The following PML variants were observed in gnomAD, a reference collection of about 807,000 sequenced individuals.
PML encodes the protein PML nuclear body scaffold, also known as protein PML.
In PML, 28 loss-of-function variants were observed where a neutral mutation model predicts 65.2. The observed-to-expected ratio is 0.43, with a 90% CI of 0.32 to 0.59. The LOEUF (loss-of-function observed/expected upper bound fraction) is 0.59, where lower values mean the gene tolerates loss of function less well. Ranked by LOEUF, PML falls within the 20% of genes least tolerant of loss-of-function variation. The probability of loss-of-function intolerance (pLI) is 0.08; values close to 1 mark genes in which losing one functional copy is unlikely to be tolerated. For synonymous variants in PML, 500 were observed against 508.8 expected, an observed-to-expected ratio of 0.98 and a Z score of 0.23; for missense variants, 1,021 against 1,203.4, an observed-to-expected ratio of 0.85 and a Z score of 2.24.
chr15:74,031,256 C>CT, intron 4 of PML: 1 of 445,200 alleles, frequency 2.2e-6, no homozygotes, highest in Non-Finnish European at 4.5e-6. Flanking sequence ...TGTCTGGTTT[C>CT]TTTTTTTAAA....
chr15:74,023,298 G>A lies in PML; in HGVS notation c.1073G>A (p.Arg358His), dbSNP rs967509295. The change falls in exon 3 of 9, where the codon CGC (arginine) becomes CAC (histidine). Residue 358 changes from arginine (R) to histidine (H), a missense_variant. Physicochemically the swap from Arg to His is conservative, Grantham distance 29. Transcript: ENST00000268058. ...MHGFLRQALC[R>H]LRQEEPQSLQ... ...GGTTTCCTGCGCCAGGCGCTCTGCC[G>A]CCTGCGCCAGGAGGAGCCCCAGAGC... 1 of 1,609,272 alleles carries A rather than the reference G, an allele frequency of 6.2e-7. No homozygotes were observed. The highest frequency in any genetic ancestry group is 8.5e-7 in the Non-Finnish European group (1 of 1,179,600).
intron 4 of PML, chr15:74,026,749 C>G (rs551751767): frequency 6.6e-6 from 1 of 152,172 alleles, no homozygotes; most frequent in Non-Finnish European, 1.5e-5. Context: ...CCCCTGGGTT[C>G]AAGCGATTCT....
At position 74,017,294 on chromosome 15, in the gene PML, C is replaced by T. The variant is rs563938875; in HGVS notation, c.603-5534C>T. ...CTCTAACTTCATTCCTGCCCCCTAC[C>T]CTCCTCCCTAGCCAATTTCTCTGAT... On this transcript the variant is annotated intron_variant, in intron 2 of 8. Coordinates refer to ENST00000268058, the MANE Select transcript of PML (RefSeq NM_033238.3). 5.9e-5 allele frequency among the ~76,000 whole-genome samples: 9 copies of T among 152,288 alleles called. No homozygotes were observed. The East Asian group carries it at 7.7e-4, about 13-fold the overall frequency.
chr15:74,035,573 TC>T lies in PML; in HGVS notation c.1710+1045del. On this transcript the variant is annotated intron_variant, in intron 7 of 8. Coordinates refer to ENST00000268058, the MANE Select transcript of PML (RefSeq NM_033238.3). This position sits in a 1 kb window ranked among gnomAD's most constrained non-coding sequence, Gnocchi z 4.1. The stretch of plus-strand genomic sequence containing the variant: ...CTGCCATCACAGGGCCCCTCAACCA[TC>T]CTGCCAATGCCCAGGAACATCCTGC... The T allele has an allele frequency of 6.2e-7, 1 of 1,611,256 alleles. No homozygotes were observed. The highest frequency in any genetic ancestry group is 1.3e-5 in the African/African-American group (1 of 74,954).
Position 74,035,204 on chromosome 15 carries a change from GTCCTCGCCAGCCCAC to G in PML, c.1710+715_1710+729del, listed in dbSNP as rs753529346. 1,941 of 1,466,766 alleles carry G rather than the reference GTCCTCGCCAGCCCAC, an allele frequency of 1.3e-3. 4 individuals carry two copies. Among genetic ancestry groups the G allele is most frequent in the Middle Eastern group, 3.1e-3 (18 of 5,782 alleles). 90.9% of individuals were successfully genotyped at this position (1,466,766 alleles called of 1,614,324 possible). ...AGCCCATGGAGACCGCCGAGCCACA[GTCCTCGCCAGCCCAC>G]TCCTCGCCAGCCCACTCCTCGCCAG... On this transcript the variant is annotated intron_variant, in intron 7 of 8. Coordinates refer to ENST00000268058, the MANE Select transcript of PML (RefSeq NM_033238.3). The surrounding 1 kb of genome is among the most constrained non-coding windows in gnomAD (Gnocchi z 4.1).
intron 3 of PML, among the ~76,000 whole-genome samples, chr15:74,024,242 T>C (rs1300649625): frequency 6.6e-6 from 1 of 152,040 alleles, no homozygotes; most frequent in African/African-American, 2.4e-5. Flanking sequence ...GGCACCTGGG[T>C]AGGGTGCCAG....
At chr15:73,998,582 G>A in intron 2 of PML, 106 bp downstream of exon 2, 1 of 974,840 alleles carries the variant, frequency 1.0e-6, no homozygotes, top group Non-Finnish European at 1.6e-6. Context: ...GAGCTTCTGG[G>A]GCCTTGCAAC....
intron 2 of PML, among the ~76,000 whole-genome samples, chr15:74,015,145 C>T (rs1295565642): frequency 6.6e-6 from 1 of 152,184 alleles, no homozygotes; most frequent in Non-Finnish European, 1.5e-5. Flanking sequence ...TTCCCCTCTC[C>T]AACACTACCT....
Position 74,045,079 on chromosome 15 carries a change from C to T in PML, c.*71C>T. The T allele has an allele frequency of 7.4e-7, 1 of 1,347,522 alleles. No individual in the cohort carries two copies. Among genetic ancestry groups the T allele is most frequent in the Admixed American group, 2.2e-5 (1 of 45,466 alleles). The allele number at this position is 1,347,522 out of a possible 1,614,324, so 83.5% of individuals were successfully genotyped here. A position where few individuals can be genotyped will look rare whatever the true frequency, so the allele number is the denominator to read the frequency against. ...TGGGGTCCCTGAGCCAGGCCCCACC[C>T]ATCACAGCATTCCCAGGTCCTGGTA... On this transcript the variant is annotated 3_prime_UTR_variant, in exon 9 of 9. Transcript: ENST00000268058.
intron 2 of PML, among the ~76,000 whole-genome samples, chr15:74,008,113 C>T (rs2070151034): frequency 6.6e-6 from 1 of 152,178 alleles, no homozygotes; most frequent in South Asian, 2.1e-4. Flanking sequence ...GGGAAGGTGG[C>T]TTCCAAGAGG....
rs545937555 is a variant in PML, at chr15:74,040,726, C to T, written c.1711-2263C>T. 3.3e-5 allele frequency among the ~76,000 whole-genome samples: 5 copies of T among 152,312 alleles called. No homozygotes were observed. The South Asian group carries it at 1.0e-3, about 32-fold the overall frequency. On this transcript the variant is annotated intron_variant, in intron 7 of 8. Coordinates refer to ENST00000268058, the MANE Select transcript of PML (RefSeq NM_033238.3). ...TGGGTGGCCATACTTTATGGAAGTC[C>T]CCAAGGGCAAGAGGAATTTTGGAGG... is the stretch of plus-strand genomic sequence containing the variant.
chr15:73,994,920 C>T lies in PML; in HGVS notation c.108C>T (p.Ser36=), dbSNP rs1172006294. 2.6e-6 allele frequency: 4 copies of T among 1,545,886 alleles called. No homozygotes were observed. Among genetic ancestry groups the T allele is most frequent in the East Asian group, 2.4e-5 (1 of 40,968 alleles). Residue 36 remains serine (S), a synonymous_variant, in exon 1 of 9, where the codon AGC becomes AGT. Coordinates refer to ENST00000268058, the MANE Select transcript of PML (RefSeq NM_033238.3). ...CCCCCTCTGAAGGCCGCCAGCCCAGCCCCAGCCCCAGCCCTACAGAGGTAC... is the reference window on the plus strand; with the variant it reads ...CCCCCTCTGAAGGCCGCCAGCCCAGTCCCAGCCCCAGCCCTACAGAGGTAC... ...PETPSEGRQP[S]PSPSPTERAP...
intron 2 of PML, among the ~76,000 whole-genome samples, chr15:74,017,525 T>C (rs2070649915): frequency 6.6e-6 from 1 of 152,048 alleles, no homozygotes; most frequent in Admixed American, 6.5e-5. Context: ...GGCGTACACC[T>C]GTAGTTCCGG....
intron 2 of PML, among the ~76,000 whole-genome samples, chr15:74,016,792 CTTTTT>C (rs535665071): frequency 5.2e-5 from 4 of 77,648 alleles, no homozygotes; most frequent in South Asian, 5.5e-4. Flanking sequence ...GCAGTGGCAT[CTTTTT>C]TTTTTTTTTT....
chr15:74,032,368 CAAA>C (rs2141868361), intron 4 of PML: 1 of 610,316 alleles, frequency 1.6e-6, no homozygotes, highest in Non-Finnish European at 2.9e-6. Context: ...CCTGTCTCTA[CAAA>C]AAAATTTTTT....
At chr15:74,032,224 A>G (rs1176722397) in intron 4 of PML, among the ~76,000 whole-genome samples, 2 of 152,110 alleles carry the variant, frequency 1.3e-5, no homozygotes, top group African/African-American at 4.8e-5. Context: ...CCTGGGCTCC[A>G]GTAACTCAGA....
intron 2 of PML, among the ~76,000 whole-genome samples, chr15:74,013,931 TTG>T (rs1260712375): frequency 6.6e-6 from 1 of 152,202 alleles, no homozygotes; most frequent in Non-Finnish European, 1.5e-5. Flanking sequence ...TTGTAGTGTA[TTG>T]TTATGAAAGT....
chr15:74,009,921 C>A (rs2070241872), intron 2 of PML, among the ~76,000 whole-genome samples: 1 of 152,214 alleles, frequency 6.6e-6, no homozygotes, highest in African/African-American at 2.4e-5. Context: ...TCTCACTTCT[C>A]CTGAAGGCCA....
rs1369277021 is a variant in PML at position 74,037,035 on chromosome 15, G to T, written c.1710+2505G>T. 1 of 985,458 alleles carries T rather than the reference G, an allele frequency of 1.0e-6. No individual in the cohort carries two copies. Among genetic ancestry groups the T allele is most frequent in the African/African-American group, 1.7e-5 (1 of 57,372 alleles). 61.0% of individuals were successfully genotyped at this position (985,458 alleles called of 1,614,324 possible). Reference sequence around the variant, plus strand: ...CAGAAAATCCTGGAAGGACTCAGGAGCTTGTCGCCTCTGTGCTGCCACCTG... The same window carrying T: ...CAGAAAATCCTGGAAGGACTCAGGATCTTGTCGCCTCTGTGCTGCCACCTG... On this transcript the variant is annotated intron_variant, in intron 7 of 8. Coordinates refer to ENST00000268058, the MANE Select transcript of PML (RefSeq NM_033238.3). The surrounding 1 kb of genome is among the most constrained non-coding windows in gnomAD (Gnocchi z 4.2).
Sources: allele counts gnomAD v4.1 joint callset (sites outside exome capture counted in the v4.1 genomes callset), GRCh38; gene constraint gnomAD v4.1.1; non-coding constraint Gnocchi (gnomAD v3.1); transcripts MANE v1.5; gene names NCBI Gene and HGNC (gene_info 2026-07-23, HGNC 2026-07-21).